The following AGMO variants were observed in gnomAD, a reference collection of about 807,000 sequenced individuals.
AGMO encodes the protein glyceryl-ether monooxygenase.
Under a neutral mutation model 60.2 loss-of-function variants are expected in AGMO, and 75 were observed. That is an observed-to-expected ratio of 1.25 (90% CI 1.03 to 1.51). AGMO has a LOEUF of 1.51. Ranked by LOEUF, AGMO falls within the 40% of genes most tolerant of loss-of-function variation. The pLI is 0.00. For synonymous variants in AGMO, 261 were observed against 177.1 expected (o/e 1.47, Z -3.76); for missense variants, 763 against 525.5 (o/e 1.45, Z -4.42).
the AGMO span, among the ~76,000 whole-genome samples, chr7:15,186,835 T>C: frequency 6.6e-6 from 1 of 152,150 alleles, no homozygotes; most frequent in African/African-American, 2.4e-5. Flanking sequence ...CGGCGCACTT[T>C]GCAGATGTTT....
At chr7:15,351,936 G>A (rs774424976) in intron 12 of AGMO, among the ~76,000 whole-genome samples, 6 of 152,122 alleles carry the variant, frequency 3.9e-5, no homozygotes, top group Non-Finnish European at 8.8e-5. Flanking sequence ...ATATGAATTC[G>A]GTAATATTGA....
chr7:15,445,492 C>A (rs1781677070), intron 3 of AGMO, among the ~76,000 whole-genome samples: 1 of 152,066 alleles, frequency 6.6e-6, no homozygotes, highest in Non-Finnish European at 1.5e-5. Context: ...TTATAGATTT[C>A]TTAACCATTT....
intron 3 of AGMO, among the ~76,000 whole-genome samples, chr7:15,461,925 T>C (rs1049568209): frequency 2.0e-5 from 3 of 152,068 alleles, no homozygotes; most frequent in Non-Finnish European, 4.4e-5. Context: ...TTAAAATAAA[T>C]GAAATAGGAC....
At chr7:15,353,300 C>T (rs191039880) in intron 12 of AGMO, among the ~76,000 whole-genome samples, 33 of 152,214 alleles carry the variant, frequency 2.2e-4, no homozygotes, top group Middle Eastern at 3.4e-3. Context: ...AAACTGGTTC[C>T]TTGGTGAAGA....
At chr7:15,424,129 G>A (rs984933668) in intron 4 of AGMO, among the ~76,000 whole-genome samples, 2 of 151,988 alleles carry the variant, frequency 1.3e-5, no homozygotes, top group African/African-American at 4.8e-5. Context: ...CTTCTATGAA[G>A]CTTCCCTTGA....
chr7:15,357,564 A>G (rs1251974496), intron 12 of AGMO, among the ~76,000 whole-genome samples: 3 of 152,164 alleles, frequency 2.0e-5, no homozygotes, highest in South Asian at 2.1e-4. Context: ...TGTTTGACCA[A>G]TGGAATGTAG....
chr7:15,234,692 T>C (rs1436310988), intron 12 of AGMO, among the ~76,000 whole-genome samples: 2 of 152,228 alleles, frequency 1.3e-5, no homozygotes, highest in Non-Finnish European at 2.9e-5. Context: ...AACTATGCCA[T>C]GATAGTGCAA....
chr7:15,526,131 C>A (rs1230890789), intron 3 of AGMO, among the ~76,000 whole-genome samples: 5 of 152,134 alleles, frequency 3.3e-5, no homozygotes, highest in African/African-American at 1.2e-4. Flanking sequence ...CACTGCCCGG[C>A]GGGCTGAGTA....
chr7:15,406,229 AC>A (rs1340636323), intron 5 of AGMO, among the ~76,000 whole-genome samples: 6 of 56,560 alleles, frequency 1.1e-4, no homozygotes, highest in Non-Finnish European at 1.9e-4. Context: ...TGTTTGGAAT[AC>A]ACACACACAC....
At chr7:15,553,018 G>T (rs1224092354) in intron 2 of AGMO, among the ~76,000 whole-genome samples, 4 of 151,840 alleles carry the variant, frequency 2.6e-5, no homozygotes, top group Non-Finnish European at 5.9e-5. Flanking sequence ...CATGTCCTTT[G>T]TAGGGACATG....
chr7:15,303,186 T>C (rs1477731666), intron 12 of AGMO, among the ~76,000 whole-genome samples: 3 of 152,008 alleles, frequency 2.0e-5, no homozygotes, highest in East Asian at 3.9e-4. Context: ...CAGAGAGAAA[T>C]GTATCTTAAT....
At chr7:15,395,113 T>C (rs1300980415) in intron 5 of AGMO, among the ~76,000 whole-genome samples, 4 of 152,232 alleles carry the variant, frequency 2.6e-5, no homozygotes, top group African/African-American at 9.6e-5. Context: ...CTTTTCTTTA[T>C]TCACAATCTA....
chr7:15,224,373 G>C (rs189710144), intron 12 of AGMO, among the ~76,000 whole-genome samples: 1 of 151,928 alleles, frequency 6.6e-6, no homozygotes, highest in Non-Finnish European at 1.5e-5. Flanking sequence ...TGAATGGGAT[G>C]AATGTACTTA....
chr7:15,406,193 A>T (rs1784679684), intron 5 of AGMO, among the ~76,000 whole-genome samples: 1 of 151,064 alleles, frequency 6.6e-6, no homozygotes, highest in South Asian at 2.1e-4. Context: ...GTGCCAGTTC[A>T]GGTCAGAAGA....
chr7:15,536,347 A>G (rs539052259), intron 3 of AGMO, among the ~76,000 whole-genome samples: 14 of 152,026 alleles, frequency 9.2e-5, no homozygotes, highest in African/African-American at 3.1e-4. Context: ...AAGCCCTTCA[A>G]TGATACTTGA....
chr7:15,220,247 TG>T (rs1022652517), intron 12 of AGMO, among the ~76,000 whole-genome samples: 2 of 145,064 alleles, frequency 1.4e-5, no homozygotes, highest in Admixed American at 7.0e-5. Flanking sequence ...AGATGGAGTC[TG>T]GATCTGTTGC....
At chr7:15,376,251 G>C (rs1783445346) in intron 10 of AGMO, among the ~76,000 whole-genome samples, 1 of 151,940 alleles carries the variant, frequency 6.6e-6, no homozygotes, top group South Asian at 2.1e-4. Flanking sequence ...GAAATCCCAA[G>C]GGGATAGACT....
chr7:15,336,794 T>C (rs764133727), intron 12 of AGMO, among the ~76,000 whole-genome samples: 4 of 152,188 alleles, frequency 2.6e-5, no homozygotes, highest in South Asian at 2.1e-4. Context: ...TAAAAAAGCA[T>C]TTATTAAGTA....
chr7:15,347,466 T>A (rs187509523), intron 12 of AGMO, among the ~76,000 whole-genome samples: 1 of 152,212 alleles, frequency 6.6e-6, no homozygotes, highest in Admixed American at 6.5e-5. Flanking sequence ...TTTACCTCTA[T>A]GTCTGAAAGC....
Sources: allele counts gnomAD v4.1 joint callset (sites outside exome capture counted in the v4.1 genomes callset), GRCh38; gene constraint gnomAD v4.1.1; transcripts MANE v1.5; gene names NCBI Gene and HGNC (gene_info 2026-07-23, HGNC 2026-07-21).